The following GSK3B variants were observed in gnomAD, a reference collection of about 807,000 sequenced individuals.
The protein encoded by GSK3B is glycogen synthase kinase 3 beta.
Under a neutral mutation model 56.4 loss-of-function variants are expected in GSK3B, and 15 were observed. That is an observed-to-expected ratio of 0.27 (90% CI 0.18 to 0.41). The LOEUF is 0.41. Ranked by LOEUF, GSK3B falls within the 10% of genes least tolerant of loss-of-function variation. GSK3B has a pLI of 1.00. For missense variants in GSK3B, 300 were observed against 513.4 expected (o/e 0.58, Z 4.02); for synonymous variants, 181 against 188.9 (o/e 0.96, Z 0.34).
intron 7 of GSK3B, among the ~76,000 whole-genome samples, chr3:119,885,431 G>A (rs909664011): frequency 2.6e-5 from 4 of 151,964 alleles, no homozygotes; most frequent in South Asian, 4.1e-4. Flanking sequence ...CTGTTAAAAC[G>A]GCCATACTGC....
At chr3:119,921,318 A>G (rs952216466) in intron 4 of GSK3B, among the ~76,000 whole-genome samples, 1 of 152,176 alleles carries the variant, frequency 6.6e-6, no homozygotes, top group Non-Finnish European at 1.5e-5. Context: ...CTTATAAATT[A>G]AGAAGGAATA....
intron 3 of GSK3B, among the ~76,000 whole-genome samples, chr3:119,923,779 CATAAAAT>C (rs2056866138): frequency 6.6e-6 from 1 of 152,128 alleles, no homozygotes; most frequent in Non-Finnish European, 1.5e-5. Context: ...TATCACCTGT[CATAAAAT>C]ATAATATTTT....
chr3:119,963,896 A>T (rs1436570090), intron 2 of GSK3B, among the ~76,000 whole-genome samples: 3 of 152,178 alleles, frequency 2.0e-5, no homozygotes, highest in Non-Finnish European at 2.9e-5. Context: ...TAAACATAAG[A>T]TCTGAAAACG....
chr3:120,094,378 T>G lies in GSK3B; in HGVS notation c.-944A>C. 3.3e-6 allele frequency: 1 copy of G among 300,782 alleles called. No homozygotes were observed. Among genetic ancestry groups the G allele is most frequent in the South Asian group, 4.6e-5 (1 of 21,950 alleles). 18.6% of individuals were successfully genotyped at this position (300,782 alleles called of 1,614,324 possible). A position where few individuals can be genotyped will look rare whatever the true frequency, so the allele number is the denominator to read the frequency against. On this transcript the variant is annotated 5_prime_UTR_variant, in exon 1 of 11. Coordinates refer to ENST00000264235, the MANE Select transcript of GSK3B (RefSeq NM_001146156.2). ...TCGCTTCCTTCCTTCCTTTGTCACT[T>G]GGCCCGGGCGGCGGCGGCGGCGGCG...
chr3:119,941,582 T>G (rs1394062535), intron 3 of GSK3B, among the ~76,000 whole-genome samples: 1 of 152,230 alleles, frequency 6.6e-6, no homozygotes, highest in Non-Finnish European at 1.5e-5. Context: ...CTTTAATTGG[T>G]TGCTATGAGG....
At chr3:120,064,989 G>C (rs1324646983) in intron 1 of GSK3B, among the ~76,000 whole-genome samples, 1 of 152,104 alleles carries the variant, frequency 6.6e-6, no homozygotes, top group African/African-American at 2.4e-5. Context: ...ATGGATCAGA[G>C]ACCTAAATAT....
At chr3:120,006,782 T>TA (rs2057732433) in intron 1 of GSK3B, among the ~76,000 whole-genome samples, 2 of 152,290 alleles carry the variant, frequency 1.3e-5, no homozygotes, top group Middle Eastern at 3.4e-3. Context: ...GAGGGAAACT[T>TA]AGAGCACTAA....
intron 3 of GSK3B, among the ~76,000 whole-genome samples, chr3:119,936,333 A>G: frequency 7.6e-6 from 1 of 132,306 alleles, no homozygotes; most frequent in East Asian, 2.1e-4. Flanking sequence ...AAATATATAT[A>G]AAAAATATAT....
At chr3:119,935,492 CT>C (rs1420977181) in intron 3 of GSK3B, among the ~76,000 whole-genome samples, 2 of 152,108 alleles carry the variant, frequency 1.3e-5, no homozygotes, top group African/African-American at 4.8e-5. Flanking sequence ...CCCACTTTTA[CT>C]TTCCTAGCCT....
At chr3:119,939,189 A>G (rs2057023762) in intron 3 of GSK3B, among the ~76,000 whole-genome samples, 1 of 152,106 alleles carries the variant, frequency 6.6e-6, no homozygotes, top group Admixed American at 6.6e-5. Context: ...GGAGGGTAGG[A>G]AAGAAGCATT....
intron 9 of GSK3B, among the ~76,000 whole-genome samples, chr3:119,859,180 T>TA (rs2056065221): frequency 4.4e-5 from 3 of 67,520 alleles, no homozygotes; most frequent in African/African-American, 9.6e-5. Flanking sequence ...TTTATTTGTG[T>TA]ATATAAAAAA....
intron 10 of GSK3B, among the ~76,000 whole-genome samples, chr3:119,834,450 C>T (rs2055657067): frequency 6.6e-6 from 1 of 152,128 alleles, no homozygotes; most frequent in Non-Finnish European, 1.5e-5. Context: ...AATTCGGATG[C>T]CTGTGAGCCA....
chr3:120,024,249 C>T (rs989540709), intron 1 of GSK3B, among the ~76,000 whole-genome samples: 4 of 152,082 alleles, frequency 2.6e-5, no homozygotes, highest in Admixed American at 6.5e-5. Flanking sequence ...GGTGGGAGAA[C>T]TGCTTGAGCC....
At chr3:119,893,659 T>C (rs2108067794) in intron 7 of GSK3B, among the ~76,000 whole-genome samples, 1 of 152,240 alleles carries the variant, frequency 6.6e-6, no homozygotes, top group African/African-American at 2.4e-5. Context: ...CCCGTGTGCC[T>C]ATACTCTATT....
chr3:119,849,412 C>A (rs1253668103), intron 9 of GSK3B, among the ~76,000 whole-genome samples: 1 of 152,188 alleles, frequency 6.6e-6, no homozygotes, highest in African/African-American at 2.4e-5. Context: ...TAACCATGTG[C>A]TCGATACCTA....
At chr3:120,071,670 G>A (rs1446601006) in intron 1 of GSK3B, among the ~76,000 whole-genome samples, 3 of 152,026 alleles carry the variant, frequency 2.0e-5, no homozygotes, top group African/African-American at 7.3e-5. Context: ...CAAGCTCAGG[G>A]CTCCTACTGA....
intron 1 of GSK3B, among the ~76,000 whole-genome samples, chr3:120,072,174 A>G (rs902078934): frequency 2.6e-5 from 4 of 152,186 alleles, no homozygotes; most frequent in African/African-American, 9.6e-5. Context: ...GACACTTAAA[A>G]CACTCATCAA....
At chr3:120,057,513 G>A (rs962425429) in intron 1 of GSK3B, among the ~76,000 whole-genome samples, 4 of 152,122 alleles carry the variant, frequency 2.6e-5, no homozygotes, top group Non-Finnish European at 5.9e-5. Context: ...CTAGCAAGAA[G>A]AGGATACTGA....
intron 2 of GSK3B, among the ~76,000 whole-genome samples, chr3:120,001,584 C>T (rs2057677550): frequency 6.6e-6 from 1 of 152,086 alleles, no homozygotes; most frequent in Non-Finnish European, 1.5e-5. Flanking sequence ...TTATAAATTA[C>T]TCAATATCAG....
Sources: gnomAD v4.1 joint callset for allele counts (sites outside exome capture counted in the v4.1 genomes callset) on GRCh38, gnomAD v4.1.1 for gene constraint, MANE v1.5 for transcripts, NCBI Gene and HGNC (gene_info 2026-07-23, HGNC 2026-07-21) for gene names.